Variants in SPATA33 observed in about 807,000 individuals in gnomAD.
SPATA33 encodes spermatogenesis-associated protein 33.
A neutral mutation model predicts 8.9 loss-of-function variants in SPATA33; 10 were observed. That is an observed-to-expected ratio of 1.12 (90% CI 0.69 to 1.90). SPATA33 has a LOEUF of 1.90. Among genes scored for constraint, SPATA33 ranks in the 40% most tolerant of loss-of-function variants. The pLI is 0.00. For missense variants in SPATA33, 241 were observed against 178.3 expected (o/e 1.35, Z -2.00); for synonymous variants, 96 against 72.8 (o/e 1.32, Z -1.63).
At position 89,669,567 on chromosome 16, in the gene SPATA33, G is replaced by C. The variant is rs2060072485; in HGVS notation, c.*70G>C. ...CTCGGGAACAGCCGCCTCACCCTGT[G>C]AGAAGCCGAGGCCCCTTCTCCAGTG... On this transcript the variant is annotated 3_prime_UTR_variant, in exon 3 of 3. Transcript: ENST00000579310. 6.7e-7 allele frequency: 1 copy of C among 1,500,422 alleles called. No individual in the cohort carries two copies. The highest frequency in any genetic ancestry group is 1.4e-5 in the African/African-American group (1 of 72,166). 92.9% of individuals were successfully genotyped at this position (1,500,422 alleles called of 1,614,324 possible). A position where few individuals can be genotyped will look rare whatever the true frequency, so the allele number is the denominator to read the frequency against.
chr16:89,659,529 C>G (rs1443340847), intron 2 of SPATA33: 1 of 152,258 alleles, frequency 6.6e-6, no homozygotes, highest in East Asian at 1.9e-4. Context: ...CAAAAATTAG[C>G]TGGGCGTGGT....
At position 89,658,029 on chromosome 16, in the gene SPATA33, G is replaced by C. The variant is rs779651553; in HGVS notation, c.37+81G>C. 21 of 1,466,990 alleles carry C rather than the reference G, an allele frequency of 1.4e-5. No homozygotes were observed. In the South Asian group the frequency reaches 2.3e-4, roughly 16 times the overall value. 90.9% of individuals were successfully genotyped at this position (1,466,990 alleles called of 1,614,324 possible). ...AGGGCGGGGCTGGGCTGGGCGGGGC[G>C]GTGTGAGCGCAGGCGCCAGGCTCGG... On this transcript the variant is annotated intron_variant, in intron 1 of 2. Transcript: ENST00000579310.
chr16:89,658,053 G>C (rs1202701417), intron 1 of SPATA33, 105 bp downstream of exon 1: 5 of 1,456,142 alleles, frequency 3.4e-6, no homozygotes, highest in Middle Eastern at 2.5e-4. Context: ...CGCCAGGCTC[G>C]GCCCGGTGCG....
chr16:89,669,277 T>G lies in SPATA33; in HGVS notation c.212-9T>G, dbSNP rs1158197104. On this transcript the variant is annotated splice_polypyrimidine_tract_variant and intron_variant, in intron 2 of 2. Transcript: ENST00000579310. The stretch of plus-strand genomic sequence containing the variant: ...CATCTACTAAATGCCTGGATGTTTT[T>G]TCCTCTAGAGAAACCTGATGTAAAG... 1 of 1,614,036 alleles carries G rather than the reference T, an allele frequency of 6.2e-7. No individual in the cohort carries two copies. Among genetic ancestry groups the G allele is most frequent in the Non-Finnish European group, 8.5e-7 (1 of 1,179,888 alleles).
At chr16:89,658,167 A>C in intron 1 of SPATA33, 81 bp from the exon 2 acceptor site, 2 of 1,586,338 alleles carry the variant, frequency 1.3e-6, no homozygotes, top group East Asian at 4.5e-5. Context: ...TTCTGGACCC[A>C]CGCAGGCGAC....
In SPATA33 at chr16:89,658,409, G is replaced by T. The variant is rs766382963; in HGVS notation, c.199G>T (p.Ala67Ser). The T allele has an allele frequency of 6.2e-7, 1 of 1,609,120 alleles. No homozygotes were observed. Among genetic ancestry groups the T allele is most frequent in the Admixed American group, 1.7e-5 (1 of 59,008 alleles). The change falls in exon 2 of 3, where the codon GCT becomes TCT. Residue 67 changes from alanine (A) to serine (S), a missense_variant. By Grantham distance (99) the Ala-to-Ser change is moderately conservative (BLOSUM62 1). Transcript: ENST00000579310. ...GACAGCCAAGCACCCGCCGCCGGCA[G>T]CTTCGCTGGAAGGTAGGAGACGGCG... is the stretch of plus-strand genomic sequence containing the variant. ...AGTAKHPPPA[A>S]SLEEKPDVKQ...
In SPATA33 at chr16:89,657,996, G is replaced by T. The variant is rs369619180; in HGVS notation, c.37+48G>T. 124 of 1,502,744 alleles carry T rather than the reference G, an allele frequency of 8.3e-5. 1 individual carries two copies. In the East Asian group the frequency reaches 2.3e-3, roughly 28 times the overall value. The allele number at this position is 1,502,744 out of a possible 1,614,324, so 93.1% of individuals were successfully genotyped here. ...GCTCCCCGCGTCTCCGCCCCTGGGCGCGGGCCCAGGGCGGGGCTGGGCTGG... is the reference window on the plus strand; with the variant it reads ...GCTCCCCGCGTCTCCGCCCCTGGGCTCGGGCCCAGGGCGGGGCTGGGCTGG... On this transcript the variant is annotated intron_variant, in intron 1 of 2. Transcript: ENST00000579310.
chr16:89,661,177 A>G, intron 2 of SPATA33: 1 of 985,466 alleles, frequency 1.0e-6, no homozygotes, highest in Non-Finnish European at 1.2e-6. Context: ...GTTTGGCCAT[A>G]AGTTAATCAC....
chr16:89,660,896 T>C (rs1052697300), intron 2 of SPATA33: 1 of 1,063,380 alleles, frequency 9.4e-7, no homozygotes, highest in Non-Finnish European at 1.1e-6. Context: ...GATTCCAGGC[T>C]CTGGCTGGAA....
At chr16:89,658,004 AGGGCGGGGCTGGGCT>A (rs1417183181) in intron 1 of SPATA33, 56 bp downstream of exon 1, 2 of 1,501,082 alleles carry the variant, frequency 1.3e-6, no homozygotes, top group Non-Finnish European at 8.8e-7. Context: ...GCGCGGGCCC[AGGGCGGGGCTGGGCT>A]GGGCGGGGCG....
intron 2 of SPATA33, among the ~76,000 whole-genome samples, chr16:89,666,881 T>C (rs766037489): frequency 2.6e-4 from 40 of 152,294 alleles, no homozygotes; most frequent in Admixed American, 5.2e-4. Context: ...TCAGAGACTT[T>C]TAGTACTTTC....
rs145327448 is a variant in SPATA33 at position 89,669,415 on chromosome 16, G to A, written c.341G>A (p.Arg114Gln). 1.2e-4 allele frequency: 187 copies of A among 1,614,120 alleles called. 1 individual carries two copies. The African/African-American group carries it at 2.1e-3, about 18-fold the overall frequency. Residue 114 changes from arginine (R) to glutamine (Q), a missense_variant, in exon 3 of 3, where the codon CGG (arginine) becomes CAG (glutamine). Physicochemically the swap from Arg to Gln is conservative, Grantham distance 43. Transcript: ENST00000579310. ...SSGSDQQRTIREPEDWGPYRR... is the reference protein window; with the variant it reads ...SSGSDQQRTIQEPEDWGPYRR... The stretch of plus-strand genomic sequence containing the variant: ...GGGAGTGACCAGCAGAGAACCATTC[G>A]GGAGCCGGAGGACTGGGGCCCCTAC...
chr16:89,658,115 C>A (rs1303762663), intron 1 of SPATA33, 133 bp from the exon 2 acceptor site: 3 of 1,508,080 alleles, frequency 2.0e-6, no homozygotes, highest in Non-Finnish European at 2.6e-6. Context: ...CCGCCTGAGG[C>A]GGTTACGGAA....
At chr16:89,665,457 A>G (rs1042419647) in intron 2 of SPATA33, among the ~76,000 whole-genome samples, 1 of 148,042 alleles carries the variant, frequency 6.8e-6, no homozygotes, top group African/African-American at 2.5e-5. Context: ...GGTGCCTGCC[A>G]CCACGCCTGG....
intron 2 of SPATA33, chr16:89,660,552 C>G (rs770301155): frequency 7.3e-6 from 9 of 1,231,610 alleles, no homozygotes; most frequent in African/African-American, 1.6e-5. Context: ...ACGGGCTGAG[C>G]GACAGTGAGG....
chr16:89,658,152 G>A (rs1053511487), intron 1 of SPATA33, 96 bp from the exon 2 acceptor site: 14 of 1,567,998 alleles, frequency 8.9e-6, no homozygotes, highest in African/African-American at 1.4e-5. Flanking sequence ...CTTGAAGCCA[G>A]CTTATTCTGG....
intron 2 of SPATA33, among the ~76,000 whole-genome samples, chr16:89,667,279 T>C (rs1303876323): frequency 2.0e-5 from 3 of 152,200 alleles, no homozygotes; most frequent in Non-Finnish European, 2.9e-5. Context: ...TCTGGTCACT[T>C]CTCACCATGT....
intron 2 of SPATA33, 35 bp downstream of exon 2, chr16:89,658,456 G>C: frequency 6.4e-7 from 1 of 1,564,640 alleles, no homozygotes; most frequent in Non-Finnish European, 8.6e-7. Context: ...AGCGAGGTCA[G>C]TGGCTTGGAG....
At position 89,669,682 on chromosome 16, in the gene SPATA33, G is replaced by T. The variant is rs536220030; in HGVS notation, c.*185G>T. 5.8e-5 allele frequency: 35 copies of T among 604,286 alleles called. No individual in the cohort carries two copies. The highest frequency in any genetic ancestry group is 9.4e-5 in the Non-Finnish European group (33 of 351,264). The allele number at this position is 604,286 out of a possible 1,614,324, so 37.4% of individuals were successfully genotyped here. ...CTTTCGGGGAGGGTGCACCAGGCCC[G>T]CCCCACCTTGTGAGAAGCCGTGGCC... On this transcript the variant is annotated 3_prime_UTR_variant, in exon 3 of 3. Transcript: ENST00000579310.
Sources: gnomAD v4.1 joint callset for allele counts (sites outside exome capture counted in the v4.1 genomes callset) on GRCh38, gnomAD v4.1.1 for gene constraint, MANE v1.5 for transcripts, NCBI Gene and HGNC (gene_info 2026-07-23, HGNC 2026-07-21) for gene names.